Variants in SV2B observed in about 807,000 individuals in gnomAD.
The protein encoded by SV2B is synaptic vesicle glycoprotein 2B, also known as solute carrier family 22 member B2.
Under a neutral mutation model 73.9 loss-of-function variants are expected in SV2B, and 41 were observed. The ratio of observed to expected loss-of-function variants is 0.56; its 90% CI spans 0.43 to 0.72. The LOEUF is 0.72. Ranked by LOEUF, SV2B falls within the 30% of genes least tolerant of loss-of-function variation. The pLI, the probability that SV2B is intolerant of heterozygous loss-of-function variation, is 0.00. For missense variants in SV2B, 764 were observed against 857.8 expected (o/e 0.89, Z 1.37); for synonymous variants, 314 against 314.2 (o/e 1.00, Z 0.01).
At chr15:91,218,302 A>G (rs1462972072) in intron 1 of SV2B, among the ~76,000 whole-genome samples, 2 of 152,154 alleles carry the variant, frequency 1.3e-5, no homozygotes, top group African/African-American at 4.8e-5. Flanking sequence ...TTCAGAGATA[A>G]GGATATTCTT....
intron 2 of SV2B, among the ~76,000 whole-genome samples, chr15:91,233,061 A>G (rs1414826154): frequency 6.6e-6 from 1 of 152,188 alleles, no homozygotes; most frequent in African/African-American, 2.4e-5. Context: ...ATGGCTGTGT[A>G]GTATTCCATG....
intron 2 of SV2B, among the ~76,000 whole-genome samples, chr15:91,249,062 A>G (rs1047536820): frequency 9.8e-6 from 1 of 102,320 alleles, no homozygotes; most frequent in Admixed American, 1.1e-4. Flanking sequence ...CCATACATCT[A>G]CGTTTTCACA....
In SV2B at chr15:91,132,692, TCTC is replaced by T. The variant is rs983144142; in HGVS notation, c.-392+32332_-392+32334del. 4.6e-5 allele frequency among the ~76,000 whole-genome samples: 7 copies of T among 152,052 alleles called. No individual in the cohort carries two copies. Among genetic ancestry groups the T allele is most frequent in the Admixed American group, 6.5e-5 (1 of 15,274 alleles). The stretch of plus-strand genomic sequence containing the variant: ...AGGTTTTTTGCCTCCAGACCCTATT[TCTC>T]CTGCCTCAGTGGCACATGCCTGTAG... On this transcript the variant is annotated intron_variant, in intron 1 of 12. Transcript: ENST00000394232. The surrounding 1 kb of genome is among the most constrained non-coding windows in gnomAD (Gnocchi z 4.6).
chr15:91,181,511 C>A (rs573234070), intron 1 of SV2B, among the ~76,000 whole-genome samples: 5 of 151,838 alleles, frequency 3.3e-5, no homozygotes, highest in South Asian at 4.2e-4. Context: ...TTTGCAAACA[C>A]CCCCAATACA....
rs188410025 is a variant in SV2B, at chr15:91,297,297, G to C, written c.*4745G>C. 1 of 152,266 alleles carries C rather than the reference G, an allele frequency of 6.6e-6. No homozygotes were observed. The highest frequency in any genetic ancestry group is 1.5e-5 in the Non-Finnish European group (1 of 68,072). The allele number at this position is 152,266 out of a possible 1,614,324, so 9.4% of individuals were successfully genotyped here. A position where few individuals can be genotyped will look rare whatever the true frequency, so the allele number is the denominator to read the frequency against. ...GGCAAAGGGGCTGTGCCTTGCAGCCGATCCAGCCTCCCTTTGCTGCAGAGG... is the reference window on the plus strand; with the variant it reads ...GGCAAAGGGGCTGTGCCTTGCAGCCCATCCAGCCTCCCTTTGCTGCAGAGG... On this transcript the variant is annotated 3_prime_UTR_variant, in exon 13 of 13. Coordinates refer to ENST00000394232, the MANE Select transcript of SV2B (RefSeq NM_001323032.3). The surrounding 1 kb of genome is among the most constrained non-coding windows in gnomAD (Gnocchi z 5.1).
Position 91,124,021 on chromosome 15 carries a change from T to G in SV2B, c.-392+23658T>G, listed in dbSNP as rs975052191. On this transcript the variant is annotated intron_variant, in intron 1 of 12. Coordinates refer to ENST00000394232, the MANE Select transcript of SV2B (RefSeq NM_001323032.3). This position sits in a 1 kb window ranked among gnomAD's most constrained non-coding sequence, Gnocchi z 4.6. ...GCAAGCTGCTAGTTCACAGACAGGCTTGAAATCCCTCAGAAAATACTTTGT... is the reference window on the plus strand; with the variant it reads ...GCAAGCTGCTAGTTCACAGACAGGCGTGAAATCCCTCAGAAAATACTTTGT... Among the ~76,000 whole-genome samples the G allele has an allele frequency of 1.2e-4, 18 of 152,300 alleles. No individual in the cohort carries two copies. Among genetic ancestry groups the G allele is most frequent in the African/African-American group, 3.9e-4 (16 of 41,558 alleles).
At chr15:91,260,125 G>A (rs2047855852) in intron 5 of SV2B, among the ~76,000 whole-genome samples, 195 bp from the exon 6 acceptor site, 1 of 152,168 alleles carries the variant, frequency 6.6e-6, no homozygotes, top group Non-Finnish European at 1.5e-5. Flanking sequence ...ATCCTTGTAA[G>A]AATGGCTGGG....
chr15:91,283,900 C>A lies in SV2B; in HGVS notation c.1508-121C>A. 1 of 908,760 alleles carries A rather than the reference C, an allele frequency of 1.1e-6. No homozygotes were observed. 56.3% of individuals were successfully genotyped at this position (908,760 alleles called of 1,614,324 possible). A position where few individuals can be genotyped will look rare whatever the true frequency, so the allele number is the denominator to read the frequency against. On this transcript the variant is annotated intron_variant, in intron 10 of 12. Transcript: ENST00000394232. The surrounding 1 kb of genome is among the most constrained non-coding windows in gnomAD (Gnocchi z 4.3). Reference sequence around the variant, plus strand: ...CATATTACCTTGACTTTGAGGCTGTCTGACTGGCAAAGGCTGGCACAGCCT... The same window carrying A: ...CATATTACCTTGACTTTGAGGCTGTATGACTGGCAAAGGCTGGCACAGCCT...
chr15:91,139,520 C>T lies in SV2B; in HGVS notation c.-392+39157C>T, dbSNP rs1003141605. Among the ~76,000 whole-genome samples the T allele has an allele frequency of 1.3e-5, 2 of 152,104 alleles. No homozygotes were observed. The highest frequency in any genetic ancestry group is 4.8e-5 in the African/African-American group (2 of 41,412). On this transcript the variant is annotated intron_variant, in intron 1 of 12. Transcript: ENST00000394232. This position sits in a 1 kb window ranked among gnomAD's most constrained non-coding sequence, Gnocchi z 5.2. ...CCAGAACAGAAAAGCAGGGTGAGGG[C>T]AAACACCGCTATCAATGCTGTAGTA...
intron 1 of SV2B, among the ~76,000 whole-genome samples, chr15:91,155,656 G>A (rs1385848714): frequency 2.0e-5 from 3 of 152,012 alleles, no homozygotes; most frequent in Non-Finnish European, 4.4e-5. Context: ...TTCTCTCTCC[G>A]CTGCTTGTTG....
Position 91,164,586 on chromosome 15 carries a change from A to G in SV2B, c.-391-61287A>G, listed in dbSNP as rs1038685094. On this transcript the variant is annotated intron_variant, in intron 1 of 12. Coordinates refer to ENST00000394232, the MANE Select transcript of SV2B (RefSeq NM_001323032.3). Reference sequence around the variant, plus strand: ...TATATCTGCAGAATTTCTTTACATTAACATCTGGATTCATGTTTGATTGAA... The same window carrying G: ...TATATCTGCAGAATTTCTTTACATTGACATCTGGATTCATGTTTGATTGAA... Among the ~76,000 whole-genome samples the G allele has an allele frequency of 2.6e-5, 4 of 152,228 alleles. No homozygotes were observed. In the East Asian group the frequency reaches 5.8e-4, roughly 22 times the overall value.
intron 1 of SV2B, among the ~76,000 whole-genome samples, chr15:91,158,723 C>T (rs7169997): frequency 0.62 from 35,100 of 56,574 alleles, 13,414 homozygotes; most frequent in East Asian, 0.96. Flanking sequence ...CCTCTCCTCT[C>T]CTCTCTTCTC....
chr15:91,129,338 A>G lies in SV2B; in HGVS notation c.-392+28975A>G, dbSNP rs1021795287. 3.9e-5 allele frequency among the ~76,000 whole-genome samples: 6 copies of G among 152,194 alleles called. No homozygotes were observed. The highest frequency in any genetic ancestry group is 8.8e-5 in the Non-Finnish European group (6 of 68,036). ...ATTTACCATTTCATAAGGTAAAGTG[A>G]AAGGAAGGCTGTGGCAAAGGTATAC... On this transcript the variant is annotated intron_variant, in intron 1 of 12. Coordinates refer to ENST00000394232, the MANE Select transcript of SV2B (RefSeq NM_001323032.3). This position sits in a 1 kb window ranked among gnomAD's most constrained non-coding sequence, Gnocchi z 5.1.
chr15:91,168,330 G>A (rs1038917471), intron 1 of SV2B, among the ~76,000 whole-genome samples: 3 of 151,198 alleles, frequency 2.0e-5, no homozygotes, highest in Non-Finnish European at 2.9e-5. Context: ...GAGAGAGAGA[G>A]AAAAGAAATT....
Position 91,289,029 on chromosome 15 carries a change from C to G in SV2B, c.1709-492C>G, listed in dbSNP as rs1226319741. ...GTAAACCACATTTTCTTTATCCACTCATCTGTTGATGGCCACTTAGGTTGA... is the reference window on the plus strand; with the variant it reads ...GTAAACCACATTTTCTTTATCCACTGATCTGTTGATGGCCACTTAGGTTGA... On this transcript the variant is annotated intron_variant, in intron 11 of 12. Transcript: ENST00000394232. This position sits in a 1 kb window ranked among gnomAD's most constrained non-coding sequence, Gnocchi z 4.9. Among the ~76,000 whole-genome samples the G allele has an allele frequency of 6.6e-6, 1 of 152,192 alleles. No individual in the cohort carries two copies. Among genetic ancestry groups the G allele is most frequent in the African/African-American group, 2.4e-5 (1 of 41,440 alleles).
chr15:91,174,369 G>A (rs933162324), intron 1 of SV2B, among the ~76,000 whole-genome samples: 3 of 151,956 alleles, frequency 2.0e-5, no homozygotes, highest in Admixed American at 6.6e-5. Flanking sequence ...ATAGTCCTGC[G>A]TGTGATAGTT....
Position 91,223,557 on chromosome 15 carries a change from C to T in SV2B, c.-391-2316C>T, listed in dbSNP as rs971100934. 2.0e-5 allele frequency among the ~76,000 whole-genome samples: 3 copies of T among 152,138 alleles called. No homozygotes were observed. The highest frequency in any genetic ancestry group is 2.1e-4 in the South Asian group (1 of 4,816). On this transcript the variant is annotated intron_variant, in intron 1 of 12. Coordinates refer to ENST00000394232, the MANE Select transcript of SV2B (RefSeq NM_001323032.3). The surrounding 1 kb of genome is among the most constrained non-coding windows in gnomAD (Gnocchi z 4.6). Reference sequence around the variant, plus strand: ...CAAGTCTATCATTTCTGGTTCACGACGTTGTTATAGGGCCCCCAGGATGGA... The same window carrying T: ...CAAGTCTATCATTTCTGGTTCACGATGTTGTTATAGGGCCCCCAGGATGGA...
chr15:91,195,314 T>G (rs978030993), intron 1 of SV2B, among the ~76,000 whole-genome samples: 1 of 152,152 alleles, frequency 6.6e-6, no homozygotes, highest in East Asian at 1.9e-4. Context: ...CACACCACCA[T>G]GCCCAGCTAA....
At chr15:91,158,737 TTTTTTCTCTCTCTG>T (rs2043605202) in intron 1 of SV2B, among the ~76,000 whole-genome samples, 1 of 109,140 alleles carries the variant, frequency 9.2e-6, no homozygotes, top group African/African-American at 3.4e-5. Context: ...TCTTCTCCTC[TTTTTTCTCTCTCTG>T]CCTCACTGTC....
Sources: allele counts gnomAD v4.1 joint callset (sites outside exome capture counted in the v4.1 genomes callset), GRCh38; gene constraint gnomAD v4.1.1; non-coding constraint Gnocchi (gnomAD v3.1); transcripts MANE v1.5; gene names NCBI Gene and HGNC (gene_info 2026-07-23, HGNC 2026-07-21).